TSHZ2: variants seen among roughly 807,000 people sequenced by gnomAD.
TSHZ2 encodes the protein teashirt homolog 2.
Under a neutral mutation model 74.4 loss-of-function variants are expected in TSHZ2, and 21 were observed. That is an observed-to-expected ratio of 0.28 (90% confidence interval 0.20 to 0.41). TSHZ2 has a LOEUF of 0.41. TSHZ2 is among the 10% of genes least tolerant of loss of function. The pLI, the probability that TSHZ2 is intolerant of heterozygous loss-of-function variation, is 1.00. For missense variants in TSHZ2, 1,244 were observed against 1,293.5 expected (o/e 0.96, Z 0.59); for synonymous variants, 540 against 515.3 (o/e 1.05, Z -0.65).
intron 1 of TSHZ2, among the ~76,000 whole-genome samples, chr20:53,024,943 G>C (rs976331566): frequency 6.6e-6 from 1 of 152,100 alleles, no homozygotes; most frequent in Non-Finnish European, 1.5e-5. Flanking sequence ...TGTGAATACT[G>C]CCACAATAGA....
intron 1 of TSHZ2, among the ~76,000 whole-genome samples, chr20:53,092,127 A>G (rs1985902492): frequency 6.6e-6 from 1 of 152,102 alleles, no homozygotes; most frequent in African/African-American, 2.4e-5. Context: ...AGCATGTGAC[A>G]GCAAGCATCA....
chr20:53,110,678 C>G (rs998412788), intron 1 of TSHZ2, among the ~76,000 whole-genome samples: 17 of 151,896 alleles, frequency 1.1e-4, no homozygotes, highest in African/African-American at 3.9e-4. Context: ...GGTGGAAATT[C>G]AGACCATAGT....
chr20:53,296,759 G>A (rs565168981), intron 2 of TSHZ2, among the ~76,000 whole-genome samples: 1 of 152,198 alleles, frequency 6.6e-6, no homozygotes, highest in African/African-American at 2.4e-5. Context: ...GTTCAAGGCA[G>A]TTGACAGTTT....
intron 2 of TSHZ2, among the ~76,000 whole-genome samples, chr20:53,411,846 A>G (rs61333058): frequency 6.6e-6 from 1 of 151,948 alleles, no homozygotes; most frequent in Admixed American, 6.6e-5. Flanking sequence ...AAAATAAAAT[A>G]AAAAAAAGAG....
chr20:53,105,040 C>T (rs750354724), intron 1 of TSHZ2, among the ~76,000 whole-genome samples: 5 of 152,120 alleles, frequency 3.3e-5, no homozygotes, highest in Non-Finnish European at 5.9e-5. Context: ...AGGACGAAGT[C>T]ACATTTGGTT....
chr20:53,111,454 C>T (rs1600696077), intron 1 of TSHZ2, among the ~76,000 whole-genome samples: 2 of 152,134 alleles, frequency 1.3e-5, no homozygotes, highest in East Asian at 1.9e-4. Context: ...TGGGCCCAGA[C>T]TGATAAAGCA....
At chr20:53,403,797 A>G (rs1480869518) in intron 2 of TSHZ2, among the ~76,000 whole-genome samples, 1 of 152,190 alleles carries the variant, frequency 6.6e-6, no homozygotes, top group Non-Finnish European at 1.5e-5. Context: ...TTCCAGCTGA[A>G]GGTCTGCGGC....
intron 2 of TSHZ2, among the ~76,000 whole-genome samples, chr20:53,464,467 A>AT (rs200853669): frequency 1.1e-4 from 17 of 150,056 alleles, no homozygotes; most frequent in South Asian, 4.2e-4. Context: ...AGGAGCTTGG[A>AT]TTTTTTTTTT....
Position 53,434,955 on chromosome 20 carries a change from A to G in TSHZ2, c.*9-52189A>G, listed in dbSNP as rs1268548101. Among the ~76,000 whole-genome samples, 4 of 152,272 alleles carry G rather than the reference A, an allele frequency of 2.6e-5. No individual in the cohort carries two copies. The East Asian group carries it at 7.7e-4, about 29-fold the overall frequency. ...ATCCACTCCAAAATTCTTCCGAGCCAGAAAAGGAGAACATGTGCTTTCTTT... is the reference window on the plus strand; with the variant it reads ...ATCCACTCCAAAATTCTTCCGAGCCGGAAAAGGAGAACATGTGCTTTCTTT... On this transcript the variant is annotated intron_variant, in intron 2 of 2. Coordinates refer to ENST00000371497, the MANE Select transcript of TSHZ2 (RefSeq NM_173485.6).
intron 2 of TSHZ2, among the ~76,000 whole-genome samples, chr20:53,258,285 T>C (rs1990525274): frequency 6.6e-6 from 1 of 151,864 alleles, no homozygotes; most frequent in African/African-American, 2.4e-5. Flanking sequence ...GAGCTTGGGG[T>C]TCAACAGCGT....
chr20:53,125,924 A>G (rs1450566988), intron 1 of TSHZ2, among the ~76,000 whole-genome samples: 2 of 152,264 alleles, frequency 1.3e-5, no homozygotes, highest in South Asian at 2.1e-4. Context: ...TATTGGTGCT[A>G]AAGTCACAAG....
At chr20:53,128,089 G>A (rs368709064) in intron 1 of TSHZ2, among the ~76,000 whole-genome samples, 6 of 152,120 alleles carry the variant, frequency 3.9e-5, no homozygotes, top group African/African-American at 1.4e-4. Flanking sequence ...ATTTCATCTT[G>A]AGGGTGATTC....
At chr20:53,342,446 G>A (rs373522532) in intron 2 of TSHZ2, among the ~76,000 whole-genome samples, 4 of 152,102 alleles carry the variant, frequency 2.6e-5, no homozygotes, top group Non-Finnish European at 2.9e-5. Context: ...TGACGCTTAC[G>A]TCCGGTATAA....
chr20:53,101,825 C>T (rs1010555887), intron 1 of TSHZ2, among the ~76,000 whole-genome samples: 1 of 152,112 alleles, frequency 6.6e-6, no homozygotes, highest in African/African-American at 2.4e-5. Context: ...GTGAGCATTT[C>T]ATCTTATATG....
At chr20:53,054,166 C>A (rs1984568373) in intron 1 of TSHZ2, among the ~76,000 whole-genome samples, 1 of 152,194 alleles carries the variant, frequency 6.6e-6, no homozygotes, top group Non-Finnish European at 1.5e-5. Flanking sequence ...AGCAGCCTGA[C>A]AAACTTCTCC....
intron 1 of TSHZ2, among the ~76,000 whole-genome samples, chr20:53,000,361 C>T (rs1982366052): frequency 1.3e-5 from 2 of 151,958 alleles, no homozygotes; most frequent in South Asian, 2.1e-4. Flanking sequence ...TGGCTTCTGC[C>T]CTAGTGTATT....
chr20:53,479,153 A>C (rs1024001482), intron 2 of TSHZ2, among the ~76,000 whole-genome samples: 4 of 150,788 alleles, frequency 2.7e-5, no homozygotes, highest in Admixed American at 6.6e-5. Context: ...CAACAGGGCA[A>C]GACTCTGTCT....
intron 2 of TSHZ2, among the ~76,000 whole-genome samples, chr20:53,384,375 A>G (rs1291924664): frequency 6.6e-6 from 1 of 152,212 alleles, no homozygotes; most frequent in Non-Finnish European, 1.5e-5. Context: ...TTTTAGCCAC[A>G]CGCAGACCCG....
intron 1 of TSHZ2, among the ~76,000 whole-genome samples, chr20:53,229,463 T>C (rs1454567859): frequency 6.6e-6 from 1 of 152,220 alleles, no homozygotes; most frequent in African/African-American, 2.4e-5. Context: ...ACTGTATGCC[T>C]ATTAAATTGT....
Sources: gnomAD v4.1 joint callset for allele counts (sites outside exome capture counted in the v4.1 genomes callset) on GRCh38, gnomAD v4.1.1 for gene constraint, MANE v1.5 for transcripts, NCBI Gene and HGNC (gene_info 2026-07-23, HGNC 2026-07-21) for gene names.